The following PDE10A variants were observed in gnomAD, a reference collection of about 807,000 sequenced individuals.
PDE10A encodes the protein cAMP and cAMP-inhibited cGMP 3',5'-cyclic phosphodiesterase 10A.
Under a neutral mutation model 97.7 loss-of-function variants are expected in PDE10A, and 39 were observed. The observed-to-expected ratio is 0.40, with a 90% confidence interval of 0.31 to 0.52. PDE10A has a LOEUF of 0.52. Among genes scored for constraint, PDE10A ranks in the 20% least tolerant of loss-of-function variants. The pLI is 0.56. For missense variants in PDE10A, 731 were observed against 1,047.8 expected (o/e 0.70, Z 4.17); for synonymous variants, 371 against 376.8 (o/e 0.98, Z 0.18).
chr6:165,757,607 A>G (rs1360354102), intron 1 of PDE10A, among the ~76,000 whole-genome samples: 1 of 152,138 alleles, frequency 6.6e-6, no homozygotes, highest in Non-Finnish European at 1.5e-5. Flanking sequence ...ATATGCATTT[A>G]TTAACTAGTC....
chr6:165,896,355 A>ATT (rs772660262), intron 1 of PDE10A, among the ~76,000 whole-genome samples: 6,405 of 144,034 alleles, frequency 0.044, 176 homozygotes, highest in South Asian at 0.12. Context: ...ATATTTAGTA[A>ATT]TTTTTTTTTT....
At chr6:165,364,641 G>A (rs898985270) in intron 18 of PDE10A, among the ~76,000 whole-genome samples, 3 of 152,042 alleles carry the variant, frequency 2.0e-5, no homozygotes, top group Non-Finnish European at 4.4e-5. Context: ...AGTTGCATTT[G>A]CCAAAACTTA....
intron 1 of PDE10A, among the ~76,000 whole-genome samples, chr6:165,963,255 C>T (rs1253980213): frequency 1.3e-5 from 2 of 152,302 alleles, no homozygotes; most frequent in East Asian, 1.9e-4. Flanking sequence ...TCCAGGGAAG[C>T]TCAAAATCTC....
chr6:165,855,831 G>C (rs539750117), intron 1 of PDE10A, among the ~76,000 whole-genome samples: 12 of 152,244 alleles, frequency 7.9e-5, no homozygotes, highest in African/African-American at 2.6e-4. Flanking sequence ...GGTCCAATGG[G>C]CACAGCCACT....
chr6:165,859,571 G>C (rs985064556), intron 1 of PDE10A, among the ~76,000 whole-genome samples: 3 of 152,176 alleles, frequency 2.0e-5, no homozygotes, highest in African/African-American at 7.2e-5. Context: ...GTGCTTCCCT[G>C]CCCTCTCTGG....
At chr6:165,876,105 T>A (rs2128479712) in intron 1 of PDE10A, among the ~76,000 whole-genome samples, 1 of 152,350 alleles carries the variant, frequency 6.6e-6, no homozygotes. Context: ...ACCACAAATG[T>A]TTATGATGCG....
At chr6:165,862,676 CTTTTTTT>C (rs200141487) in intron 1 of PDE10A, among the ~76,000 whole-genome samples, 92,573 of 140,712 alleles carry the variant, frequency 0.66, 30,473 homozygotes, top group East Asian at 0.95. Flanking sequence ...AGCAGTCGTC[CTTTTTTT>C]TTTTTTTTTT....
At chr6:165,971,521 A>G (rs1784674409) in intron 1 of PDE10A, among the ~76,000 whole-genome samples, 1 of 152,174 alleles carries the variant, frequency 6.6e-6, no homozygotes, top group Admixed American at 6.5e-5. Flanking sequence ...CACAGGAAAC[A>G]TGTGACTGTG....
intron 1 of PDE10A, among the ~76,000 whole-genome samples, chr6:165,898,358 G>A (rs1782013817): frequency 6.6e-6 from 1 of 152,090 alleles, no homozygotes; most frequent in African/African-American, 2.4e-5. Context: ...CCTGGTGAGC[G>A]AGCACAGCCT....
At chr6:165,460,118 G>GCCTA (rs997172282) in intron 3 of PDE10A, among the ~76,000 whole-genome samples, 5 of 152,180 alleles carry the variant, frequency 3.3e-5, no homozygotes, top group Admixed American at 3.3e-4. Context: ...TCCTGCCACA[G>GCCTA]CCGGTAGTGC....
chr6:165,416,751 C>A (rs1053194844), intron 11 of PDE10A, among the ~76,000 whole-genome samples: 1 of 152,164 alleles, frequency 6.6e-6, no homozygotes, highest in Admixed American at 6.5e-5. Flanking sequence ...TATAACCAAA[C>A]TCACAGGTTA....
At chr6:165,456,940 A>C (rs953297488) in intron 3 of PDE10A, among the ~76,000 whole-genome samples, 1 of 152,240 alleles carries the variant, frequency 6.6e-6, no homozygotes, top group Admixed American at 6.5e-5. Context: ...ACCATAATAT[A>C]CTGTAAAATG....
intron 1 of PDE10A, among the ~76,000 whole-genome samples, chr6:165,735,038 T>C (rs996084259): frequency 6.6e-6 from 1 of 151,528 alleles, no homozygotes; most frequent in Non-Finnish European, 1.5e-5. Flanking sequence ...GGTAGGTAGA[T>C]AGATAATAGG....
At chr6:165,708,121 C>T (rs1396097014) in intron 1 of PDE10A, among the ~76,000 whole-genome samples, 1 of 152,206 alleles carries the variant, frequency 6.6e-6, no homozygotes, top group Non-Finnish European at 1.5e-5. Context: ...GCTGGCTCCA[C>T]TCCTGCCCTC....
chr6:165,883,227 C>G (rs1781536300), intron 1 of PDE10A, among the ~76,000 whole-genome samples: 1 of 151,978 alleles, frequency 6.6e-6, no homozygotes, highest in Admixed American at 6.6e-5. Flanking sequence ...TAGAGCAAGA[C>G]TCTGTCAAAG....
intron 2 of PDE10A, among the ~76,000 whole-genome samples, chr6:165,521,984 G>A (rs190993010): frequency 2.0e-5 from 3 of 152,242 alleles, no homozygotes; most frequent in Admixed American, 6.5e-5. Flanking sequence ...GTTCAACCAC[G>A]TTGTAGCATG....
intron 1 of PDE10A, among the ~76,000 whole-genome samples, chr6:165,700,120 A>G (rs1791531843): frequency 6.6e-6 from 1 of 152,238 alleles, no homozygotes; most frequent in Non-Finnish European, 1.5e-5. Context: ...ATGAATGGAG[A>G]GACAAAATGA....
At chr6:165,900,989 C>T (rs1782089035) in intron 1 of PDE10A, among the ~76,000 whole-genome samples, 1 of 152,192 alleles carries the variant, frequency 6.6e-6, no homozygotes, top group Admixed American at 6.5e-5. Context: ...AGGTCACGGT[C>T]ATGTGCACAG....
intron 1 of PDE10A, among the ~76,000 whole-genome samples, chr6:165,886,322 T>G (rs1781632208): frequency 6.7e-6 from 1 of 150,118 alleles, no homozygotes; most frequent in Non-Finnish European, 1.5e-5. Flanking sequence ...CCTGGAATAC[T>G]GGAGCCCTGG....
Sources: allele counts gnomAD v4.1 joint callset (sites outside exome capture counted in the v4.1 genomes callset), GRCh38; gene constraint gnomAD v4.1.1; transcripts MANE v1.5; gene names NCBI Gene and HGNC (gene_info 2026-07-23, HGNC 2026-07-21).